Variants in MCTP1 observed in about 807,000 individuals in gnomAD.
MCTP1 encodes multiple C2 and transmembrane domain containing 1, also known as multiple C2 and transmembrane domain-containing protein 1.
A neutral mutation model predicts 120.6 loss-of-function variants in MCTP1; 69 were observed. The observed-to-expected ratio is 0.57, with a 90% CI of 0.47 to 0.70. The LOEUF is 0.70. Ranked by LOEUF, MCTP1 falls within the 30% of genes least tolerant of loss-of-function variation. The probability of loss-of-function intolerance (pLI) is 0.00; values close to 1 mark genes in which losing one functional copy is unlikely to be tolerated. For missense variants in MCTP1, 1,203 were observed against 1,248.8 expected (o/e 0.96, Z 0.55); for synonymous variants, 529 against 493.1 (o/e 1.07, Z -0.96).
chr5:94,723,680 T>C (rs1274615788), intron 19 of MCTP1, among the ~76,000 whole-genome samples: 1 of 152,184 alleles, frequency 6.6e-6, no homozygotes, highest in Non-Finnish European at 1.5e-5. Flanking sequence ...TAATTTATGA[T>C]AGCATTTAGT....
intron 1 of MCTP1, among the ~76,000 whole-genome samples, chr5:95,113,694 T>G (rs1757617100): frequency 6.6e-6 from 1 of 152,108 alleles, no homozygotes. Flanking sequence ...TAAATAAACT[T>G]GAAAGGCATT....
intron 1 of MCTP1, among the ~76,000 whole-genome samples, chr5:95,067,106 G>GAGA (rs896124925): frequency 6.9e-6 from 1 of 145,444 alleles, no homozygotes; most frequent in Non-Finnish European, 1.5e-5. Context: ...AAGTAGAGAG[G>GAGA]AGAATAGTGG....
intron 1 of MCTP1, among the ~76,000 whole-genome samples, chr5:95,267,483 G>A (rs925849630): frequency 6.6e-6 from 1 of 152,056 alleles, no homozygotes; most frequent in Non-Finnish European, 1.5e-5. Context: ...CAATAAAAAA[G>A]CAATGAAATG....
At chr5:95,220,890 T>C (rs1753615441) in intron 1 of MCTP1, among the ~76,000 whole-genome samples, 1 of 152,192 alleles carries the variant, frequency 6.6e-6, no homozygotes, top group East Asian at 1.9e-4. Context: ...CCTTAATGAT[T>C]TAGAAAAGGC....
intron 1 of MCTP1, among the ~76,000 whole-genome samples, chr5:95,124,195 G>T (rs1758451570): frequency 6.6e-6 from 1 of 152,128 alleles, no homozygotes; most frequent in African/African-American, 2.4e-5. Context: ...GATAAATGAA[G>T]GTTTAAGATG....
At position 94,829,011 on chromosome 5, in the gene MCTP1, C is replaced by T. The variant is rs1387589645; in HGVS notation, c.2437-29879G>A. Among the ~76,000 whole-genome samples, 3 of 84,856 alleles carry T rather than the reference C, an allele frequency of 3.5e-5. No individual in the cohort carries two copies. In the East Asian group the frequency reaches 6.6e-4, roughly 19 times the overall value. 55.7% of individuals were successfully genotyped at this position (84,856 alleles called of 152,430 possible). On this transcript the variant is annotated intron_variant, in intron 17 of 22. Coordinates refer to ENST00000515393, the MANE Select transcript of MCTP1 (RefSeq NM_024717.7). ...TATGAAAAAAACAAACAAACAACAA[C>T]AACAAAAAAAAAACTCCTGCAGTTA...
chr5:95,142,825 T>C (rs1203348080), intron 1 of MCTP1, among the ~76,000 whole-genome samples: 2 of 152,006 alleles, frequency 1.3e-5, no homozygotes, highest in Non-Finnish European at 2.9e-5. Context: ...AATAAAATAA[T>C]ATTTTTAAAA....
intron 1 of MCTP1, among the ~76,000 whole-genome samples, chr5:95,204,645 A>C (rs1751426584): frequency 6.6e-6 from 1 of 152,184 alleles, no homozygotes; most frequent in South Asian, 2.1e-4. Flanking sequence ...CCACTACAAA[A>C]CTACTAAAAC....
intron 1 of MCTP1, among the ~76,000 whole-genome samples, chr5:95,164,956 G>C (rs1746153591): frequency 6.6e-6 from 1 of 152,042 alleles, no homozygotes; most frequent in Non-Finnish European, 1.5e-5. Flanking sequence ...TTTGGGAGGA[G>C]TCCTCTGCAT....
intron 1 of MCTP1, among the ~76,000 whole-genome samples, chr5:95,041,006 T>C (rs1158662926): frequency 2.0e-5 from 3 of 152,172 alleles, no homozygotes; most frequent in African/African-American, 7.2e-5. Flanking sequence ...GGTTGAGCTA[T>C]TGAGTTAGCC....
At position 94,708,364 on chromosome 5, in the gene MCTP1, A is replaced by G. The variant is rs1580171759; in HGVS notation, c.2928+148T>C. The G allele has an allele frequency of 4.5e-5, 24 of 532,090 alleles. No individual in the cohort carries two copies. The East Asian group carries it at 7.1e-4, about 16-fold the overall frequency. 33.0% of individuals were successfully genotyped at this position (532,090 alleles called of 1,614,324 possible). A position where few individuals can be genotyped will look rare whatever the true frequency, so the allele number is the denominator to read the frequency against. On this transcript the variant is annotated intron_variant, in intron 22 of 22. Transcript: ENST00000515393. ...TTGGATAACACCCCAGGTGGGCTAA[A>G]TTTCTGACTGGTAAAATCTGCTACA...
chr5:95,179,710 A>G (rs1748397594), intron 1 of MCTP1, among the ~76,000 whole-genome samples: 1 of 152,196 alleles, frequency 6.6e-6, no homozygotes, highest in Non-Finnish European at 1.5e-5. Context: ...CTCAAAACAC[A>G]CCAAAATAGA....
At chr5:95,088,227 A>T (rs1245098557) in intron 1 of MCTP1, among the ~76,000 whole-genome samples, 1 of 152,190 alleles carries the variant, frequency 6.6e-6, no homozygotes, top group African/African-American at 2.4e-5. Flanking sequence ...CACAAGGCCA[A>T]CCTGCAAGGC....
chr5:95,224,506 CTTTT>C (rs11324947), intron 1 of MCTP1, among the ~76,000 whole-genome samples: 15 of 111,370 alleles, frequency 1.3e-4, no homozygotes, highest in Admixed American at 2.7e-4. Context: ...CACAGACTGT[CTTTT>C]TTTTTTTTTT....
chr5:94,924,807 G>C (rs1301282549), intron 6 of MCTP1, among the ~76,000 whole-genome samples: 1 of 152,214 alleles, frequency 6.6e-6, no homozygotes, highest in Non-Finnish European at 1.5e-5. Context: ...TCATGGGAAA[G>C]CATCAATAGT....
intron 1 of MCTP1, among the ~76,000 whole-genome samples, chr5:95,136,104 C>T (rs947845355): frequency 6.6e-6 from 1 of 152,186 alleles, no homozygotes; most frequent in Admixed American, 6.5e-5. Context: ...CATTTAAGCA[C>T]TTGCTTCTCC....
At chr5:94,828,632 T>C (rs1269819824) in intron 17 of MCTP1, among the ~76,000 whole-genome samples, 1 of 152,202 alleles carries the variant, frequency 6.6e-6, no homozygotes, top group Non-Finnish European at 1.5e-5. Flanking sequence ...GCTGGTGCCT[T>C]TCTTTCAAAG....
intron 1 of MCTP1, among the ~76,000 whole-genome samples, chr5:95,063,855 G>A (rs905224717): frequency 6.6e-6 from 1 of 152,054 alleles, no homozygotes; most frequent in African/African-American, 2.4e-5. Flanking sequence ...TACCCCTAGA[G>A]TCCTCTAAAG....
chr5:95,225,281 A>C (rs2152627050), intron 1 of MCTP1, among the ~76,000 whole-genome samples: 1 of 152,312 alleles, frequency 6.6e-6, no homozygotes, highest in South Asian at 2.1e-4. Context: ...ATGGCAGTTA[A>C]AAAATCATTT....
Sources: allele counts gnomAD v4.1 joint callset (sites outside exome capture counted in the v4.1 genomes callset), GRCh38; gene constraint gnomAD v4.1.1; transcripts MANE v1.5; gene names NCBI Gene and HGNC (gene_info 2026-07-23, HGNC 2026-07-21).